LONP1: variants seen among roughly 807,000 people sequenced by gnomAD.
LONP1 encodes lon peptidase 1, mitochondrial.
A neutral mutation model predicts 98.5 loss-of-function variants in LONP1; 31 were observed. The observed-to-expected ratio is 0.31, with a 90% CI of 0.24 to 0.42. The LOEUF (loss-of-function observed/expected upper bound fraction) is 0.42, where lower values mean the gene tolerates loss of function less well. LONP1 is among the 20% of genes least tolerant of loss of function. The pLI is 1.00. For missense variants in LONP1, 1,336 were observed against 1,350.6 expected (o/e 0.99, Z 0.17); for synonymous variants, 781 against 594.7 (o/e 1.31, Z -4.56).
At chr19:5,708,552 G>T in intron 4 of LONP1, 149 bp from the exon 5 acceptor site, 1 of 374,206 alleles carries the variant, frequency 2.7e-6, no homozygotes, top group Non-Finnish European at 5.4e-6. Flanking sequence ...CGGCCTGGGA[G>T]ATGGAGGAGT....
rs201919415 is a variant in LONP1, at chr19:5,696,179, G to A, written c.1897-9C>T. 2.4e-4 allele frequency: 380 copies of A among 1,612,764 alleles called. 1 individual carries two copies. The highest frequency in any genetic ancestry group is 1.0e-3 in the East Asian group (47 of 44,878). On this transcript the variant is annotated splice_polypyrimidine_tract_variant and intron_variant, in intron 12 of 17. Coordinates refer to ENST00000360614, the MANE Select transcript of LONP1 (RefSeq NM_004793.4). Reference sequence around the variant, plus strand: ...GTGCAGATGAACAGCACCTGGGGGCGGCGGCAAGGTGCTGGGGGACTGGCC... The same window carrying A: ...GTGCAGATGAACAGCACCTGGGGGCAGCGGCAAGGTGCTGGGGGACTGGCC...
intron 10 of LONP1, 62 bp from the exon 11 acceptor site, chr19:5,696,819 T>C (rs975895320): frequency 1.7e-6 from 2 of 1,168,598 alleles, no homozygotes; most frequent in Non-Finnish European, 2.5e-6. Flanking sequence ...AACGACACCA[T>C]GCACCCTCCA....
chr19:5,707,148 C>T lies in LONP1; in HGVS notation c.1063-5G>A, dbSNP rs200139379. The T allele has an allele frequency of 6.8e-6, 11 of 1,612,364 alleles. No individual in the cohort carries two copies. The highest frequency in any genetic ancestry group is 3.3e-4 in the Middle Eastern group (2 of 6,060). On this transcript the variant is annotated splice_region_variant and splice_polypyrimidine_tract_variant and intron_variant, in intron 6 of 17. Transcript: ENST00000360614. ...CTTGTACAGCCGCTTAGGAATCTGC[C>T]GAGACAGGGAGGACAGAAAGGATGA...
chr19:5,694,669 G>C, intron 14 of LONP1, 92 bp downstream of exon 14: 1 of 1,565,120 alleles, frequency 6.4e-7, no homozygotes, highest in South Asian at 1.2e-5. Flanking sequence ...ATGGGCGCAG[G>C]AAAGTGGGAT....
At chr19:5,714,602 G>GGCCT in intron 1 of LONP1, among the ~76,000 whole-genome samples, 1 of 148,262 alleles carries the variant, frequency 6.7e-6, no homozygotes, top group Non-Finnish European at 1.5e-5. Context: ...ACCAAACGCA[G>GGCCT]CACAGGGTAG....
chr19:5,694,926 G>T lies in LONP1; in HGVS notation c.2014-25C>A, dbSNP rs371548763. 4 of 1,582,220 alleles carry T rather than the reference G, an allele frequency of 2.5e-6. No homozygotes were observed. The African/African-American group carries it at 5.4e-5, about 21-fold the overall frequency. ...GCTGCAAGGGCAACCGTCAGGGTTG[G>T]GTCTGGAGGGACCTTGCCCACCAGC... On this transcript the variant is annotated intron_variant, in intron 13 of 17. Transcript: ENST00000360614.
At chr19:5,712,757 G>A (rs900747715) in intron 3 of LONP1, among the ~76,000 whole-genome samples, 6 of 151,920 alleles carry the variant, frequency 3.9e-5, no homozygotes, top group South Asian at 2.1e-4. Context: ...AGCCTCTTGC[G>A]TAGCTGTGAC....
At chr19:5,709,907 C>CAAAAAAAAAAAAAAAAA (rs755774542) in intron 4 of LONP1, among the ~76,000 whole-genome samples, 8 of 38,668 alleles carry the variant, frequency 2.1e-4, no homozygotes, top group Non-Finnish European at 3.0e-4. Context: ...GGCTCCATCT[C>CAAAAAAAAAAAAAAAAA]AAAAAAAAAA....
intron 17 of LONP1, 153 bp from the exon 18 acceptor site, chr19:5,692,361 C>T: frequency 1.5e-6 from 1 of 658,314 alleles, no homozygotes; most frequent in East Asian, 3.0e-5. Flanking sequence ...GGGTCCCCGT[C>T]TCCCACGGGG....
rs1323082586 is a variant in LONP1 at position 5,705,811 on chromosome 19, C to A, written c.1328G>T (p.Ser443Ile). 6.2e-7 allele frequency: 1 copy of A among 1,614,100 alleles called. No homozygotes were observed. The change falls in exon 8 of 18, where the codon AGC becomes ATC. Residue 443 changes from serine to isoleucine, a missense_variant. Physicochemically the swap from Ser to Ile is moderately radical, Grantham distance 142. Around this residue, in one of 5 missense-constraint regions of LONP1, gnomAD observed 219 missense variants for 241.0 expected, o/e 0.91. Coordinates refer to ENST00000360614, the MANE Select transcript of LONP1 (RefSeq NM_004793.4). ...GTGGTTGTCCAGCAGGCCCAGCTTG[C>A]TCAGCTCCTCGTCCACAACATCCAT... The part of the protein sequence containing the change: ...HVMDVVDEEL[S>I]KLGLLDNHSS...
chr19:5,704,307 T>A (rs2055108590), intron 8 of LONP1, among the ~76,000 whole-genome samples: 1 of 152,160 alleles, frequency 6.6e-6, no homozygotes, highest in Non-Finnish European at 1.5e-5. Context: ...CGGCATTGTG[T>A]AAGGCACTAA....
chr19:5,692,834 G>A (rs141617877), intron 17 of LONP1, among the ~76,000 whole-genome samples: 29 of 152,252 alleles, frequency 1.9e-4, no homozygotes, highest in Middle Eastern at 3.4e-3. Context: ...CTGACTGACT[G>A]CACCAGGCTT....
At chr19:5,694,985 A>G (rs775410315) in intron 13 of LONP1, 84 bp from the exon 14 acceptor site, 84 of 1,476,472 alleles carry the variant, frequency 5.7e-5, no homozygotes, top group Non-Finnish European at 1.6e-5. Flanking sequence ...TGCCTCTCCC[A>G]TGGCCCCCAG....
intron 1 of LONP1, 71 bp downstream of exon 1, chr19:5,719,633 A>G: frequency 6.2e-7 from 1 of 1,610,312 alleles, no homozygotes; most frequent in African/African-American, 1.3e-5. Flanking sequence ...AGGGCGCTCA[A>G]GTGATCCCAC....
rs755619656 is a variant in LONP1, at chr19:5,694,450, C to T, written c.2257G>A (p.Val753Met). ...QDFVGKPVFT[V>M]ERMYDVTPPG... ...GGTGTCACGTCATACATGCGCTCCA[C>T]GGTGAACACGGGCTTCCCCACGAAG... Residue 753 changes from valine to methionine, a missense_variant, in exon 15 of 18, where the codon GTG becomes ATG. By Grantham distance (21) the Val-to-Met change is conservative (BLOSUM62 1). Around this residue, in one of 5 missense-constraint regions of LONP1, gnomAD observed 555 missense variants for 542.6 expected, o/e 1.02. Transcript: ENST00000360614. 8.7e-6 allele frequency: 14 copies of T among 1,613,374 alleles called. No individual in the cohort carries two copies. Among genetic ancestry groups the T allele is most frequent in the Non-Finnish European group, 1.2e-5 (14 of 1,180,032 alleles).
chr19:5,694,638 C>CGGGCGCGGGGTGGTGGGGTGCT, intron 14 of LONP1, 86 bp from the exon 15 acceptor site: 1 of 1,522,928 alleles, frequency 6.6e-7, no homozygotes, highest in Non-Finnish European at 9.0e-7. Flanking sequence ...AAAGGTGTGA[C>CGGGCGCGGGGTGGTGGGGTGCT]GGGCGCGGGG....
upstream of LONP1, chr19:5,720,207 G>A (rs935713943): frequency 2.2e-6 from 3 of 1,383,872 alleles, no homozygotes; most frequent in Non-Finnish European, 2.8e-6. Context: ...CGCCCGGCGC[G>A]TGCCTCGGTA....
intron 1 of LONP1, among the ~76,000 whole-genome samples, chr19:5,718,496 AT>A (rs1366667446): frequency 1.3e-5 from 2 of 150,350 alleles, no homozygotes; most frequent in Non-Finnish European, 1.5e-5. Context: ...AAAAAAAAAA[AT>A]CTTGGAGCAG....
rs556308190 is a variant in LONP1 at position 5,694,206 on chromosome 19, C to T, written c.2320+181G>A. ...TAAGGCCCATGGTGTGCTGCCACCC[C>T]CATGTGTCACAGCCTTCCCCTCCCT... On this transcript the variant is annotated intron_variant, in intron 15 of 17. Coordinates refer to ENST00000360614, the MANE Select transcript of LONP1 (RefSeq NM_004793.4). 8.2e-4 allele frequency among the ~76,000 whole-genome samples: 125 copies of T among 152,298 alleles called. 1 individual carries two copies. Among genetic ancestry groups the T allele is most frequent in the African/African-American group, 3.0e-3 (123 of 41,538 alleles).
Sources: gnomAD v4.1 joint callset for allele counts (sites outside exome capture counted in the v4.1 genomes callset) on GRCh38, gnomAD v4.1.1 for gene constraint, gnomAD v4.1.1 regional missense constraint, MANE v1.5 for transcripts, NCBI Gene and HGNC (gene_info 2026-07-23, HGNC 2026-07-21) for gene names.